The following CLCC1 variants were observed in gnomAD, a reference collection of about 807,000 sequenced individuals.
The protein encoded by CLCC1 is chloride channel CLIC-like protein 1.
CLCC1 carries 39 observed loss-of-function variants against 63.3 expected under a neutral mutation model. The ratio of observed to expected loss-of-function variants is 0.62; its 90% CI spans 0.48 to 0.81. CLCC1 has a LOEUF of 0.81. CLCC1 is among the 30% of genes least tolerant of loss of function. CLCC1 has a pLI of 0.00. For synonymous variants in CLCC1, 217 were observed against 239.8 expected (o/e 0.90, Z 0.88); for missense variants, 549 against 669.4 (o/e 0.82, Z 1.98).
rs750112461 is a variant in CLCC1, at chr1:108,937,368, G to A, written c.1092C>T (p.Gly364=). 6 of 1,613,604 alleles carry A rather than the reference G, an allele frequency of 3.7e-6. No individual in the cohort carries two copies. The highest frequency in any genetic ancestry group is 1.3e-5 in the African/African-American group (1 of 74,898). ...GKSVHVLRHI[G]GPESEPPQAL... The stretch of plus-strand genomic sequence containing the variant: ...CCTGGGGAGGTTCGCTCTCAGGACC[G>A]CCTATATGTCTCAGCACATGAACTG... Residue 364 remains glycine (G), a synonymous_variant, in exon 11 of 13, where the codon GGC becomes GGT. Coordinates refer to ENST00000369969, the MANE Select transcript of CLCC1 (RefSeq NM_001377458.1).
chr1:108,956,531 C>T (rs1655913051), intron 2 of CLCC1, among the ~76,000 whole-genome samples: 2 of 150,452 alleles, frequency 1.3e-5, no homozygotes, highest in South Asian at 2.1e-4. Context: ...CATGGTGGCA[C>T]GCGCCTGTAG....
Sources: allele counts gnomAD v4.1 joint callset (sites outside exome capture counted in the v4.1 genomes callset), GRCh38; gene constraint gnomAD v4.1.1; transcripts MANE v1.5; gene names NCBI Gene and HGNC (gene_info 2026-07-23, HGNC 2026-07-21).